RFX4: variants seen among roughly 807,000 people sequenced by gnomAD.
RFX4 encodes transcription factor RFX4.
In RFX4, 10 loss-of-function variants were observed where a neutral mutation model predicts 95.0. The observed-to-expected ratio is 0.11, with a 90% CI of 0.06 to 0.18. RFX4 has a LOEUF of 0.18. Ranked by LOEUF, RFX4 falls within the 10% of genes least tolerant of loss-of-function variation. The pLI is 1.00. For missense variants in RFX4, 640 were observed against 922.0 expected (o/e 0.69, Z 3.96); for synonymous variants, 321 against 340.7 (o/e 0.94, Z 0.64).
Position 106,709,330 on chromosome 12 carries a change from C to T in RFX4, c.834C>T (p.Ser278=), listed in dbSNP as rs750961729. 3 of 1,613,072 alleles carry T rather than the reference C, an allele frequency of 1.9e-6. No individual in the cohort carries two copies. In the South Asian group the frequency reaches 3.3e-5, roughly 18 times the overall value. The change falls in exon 9 of 18, where the codon AGC becomes AGT. Residue 278 remains serine (S), a splice_region_variant and synonymous_variant. Coordinates refer to ENST00000392842, the MANE Select transcript of RFX4 (RefSeq NM_213594.3). ...MPTVLQALPD[S]LTQVIRKFAK... is the part of the protein sequence containing the mutation. ...TAAAACTCATCGTTTCTTTTTCTAG[C>T]TTAACTCAGGTGATTCGAAAGTTTG...
intron 4 of RFX4, among the ~76,000 whole-genome samples, chr12:106,679,183 T>C (rs1002435730): frequency 6.6e-6 from 1 of 152,178 alleles, no homozygotes; most frequent in African/African-American, 2.4e-5. Flanking sequence ...ACTGGCCAAG[T>C]GCAGTGGCTC....
At chr12:106,704,247 C>A (rs1330679713) in intron 8 of RFX4, among the ~76,000 whole-genome samples, 1 of 152,104 alleles carries the variant, frequency 6.6e-6, no homozygotes, top group Non-Finnish European at 1.5e-5. Flanking sequence ...TGGAATACAG[C>A]ATTACATAAG....
At chr12:106,660,504 C>A (rs1169241071) in intron 4 of RFX4, among the ~76,000 whole-genome samples, 1 of 151,986 alleles carries the variant, frequency 6.6e-6, no homozygotes, top group Non-Finnish European at 1.5e-5. Flanking sequence ...AAAACTCTAC[C>A]CACACAAAGA....
At chr12:106,654,156 CTAGA>C (rs1233623306) in intron 3 of RFX4, 68 bp from the exon 4 acceptor site, 1 of 1,596,516 alleles carries the variant, frequency 6.3e-7, no homozygotes, top group Non-Finnish European at 8.6e-7. Context: ...CTCTGGAGGA[CTAGA>C]AAGAACAGAC....
At chr12:106,622,453 C>T (rs954722429) in intron 2 of RFX4, among the ~76,000 whole-genome samples, 1 of 151,908 alleles carries the variant, frequency 6.6e-6, no homozygotes, top group Admixed American at 6.6e-5. Flanking sequence ...ATATAGCTAT[C>T]ATTTATTGAG....
intron 17 of RFX4, 100 bp from the exon 18 acceptor site, chr12:106,761,097 A>T: frequency 8.0e-7 from 1 of 1,251,564 alleles, no homozygotes; most frequent in Non-Finnish European, 1.1e-6. Flanking sequence ...CATTAATAGC[A>T]TCTTAAGAAA....
chr12:106,722,611 G>T (rs1235446301), intron 13 of RFX4, among the ~76,000 whole-genome samples: 1 of 152,184 alleles, frequency 6.6e-6, no homozygotes, highest in East Asian at 1.9e-4. Context: ...GGCAAAAAAA[G>T]ATGATCACAA....
intron 17 of RFX4, among the ~76,000 whole-genome samples, chr12:106,757,547 CAAAA>C (rs559762867): frequency 1.8e-5 from 1 of 56,576 alleles, no homozygotes; most frequent in Non-Finnish European, 3.7e-5. Context: ...GACCCTGTCT[CAAAA>C]AAAAAAAAAA....
chr12:106,761,098 T>A, intron 17 of RFX4, 99 bp from the exon 18 acceptor site: 1 of 1,270,870 alleles, frequency 7.9e-7, no homozygotes, highest in South Asian at 1.4e-5. Flanking sequence ...ATTAATAGCA[T>A]CTTAAGAAAT....
At chr12:106,625,475 AT>A (rs2040278000) in intron 2 of RFX4, among the ~76,000 whole-genome samples, 1 of 152,150 alleles carries the variant, frequency 6.6e-6, no homozygotes, top group Non-Finnish European at 1.5e-5. Flanking sequence ...AAACAATTGC[AT>A]TTTTCCCCTA....
intron 7 of RFX4, among the ~76,000 whole-genome samples, chr12:106,694,394 A>G (rs1278235672): frequency 6.6e-6 from 1 of 152,232 alleles, no homozygotes; most frequent in East Asian, 1.9e-4. Context: ...AGCCAGAGGC[A>G]GCCTTTTCAG....
intron 8 of RFX4, among the ~76,000 whole-genome samples, chr12:106,699,007 G>C (rs2041937070): frequency 6.6e-6 from 1 of 151,768 alleles, no homozygotes; most frequent in Non-Finnish European, 1.5e-5. Flanking sequence ...TTAGGTCATT[G>C]ATTATAAATC....
chr12:106,744,080 A>G (rs2042852372), intron 15 of RFX4, among the ~76,000 whole-genome samples: 1 of 152,254 alleles, frequency 6.6e-6, no homozygotes, highest in Admixed American at 6.5e-5. Flanking sequence ...AATAAACATG[A>G]CATTTTAAAA....
intron 9 of RFX4, among the ~76,000 whole-genome samples, chr12:106,710,045 C>G (rs906441732): frequency 6.6e-6 from 1 of 152,140 alleles, no homozygotes; most frequent in East Asian, 1.9e-4. Flanking sequence ...CACCCATTCC[C>G]CAGCATTAGT....
At chr12:106,662,999 C>A (rs1465374480) in intron 4 of RFX4, among the ~76,000 whole-genome samples, 3 of 152,048 alleles carry the variant, frequency 2.0e-5, no homozygotes, top group Non-Finnish European at 4.4e-5. Flanking sequence ...TGGAATCAAT[C>A]CACCAATTTT....
intron 17 of RFX4, among the ~76,000 whole-genome samples, chr12:106,753,044 A>AC (rs1258240785): frequency 6.6e-6 from 1 of 150,794 alleles, no homozygotes; most frequent in Non-Finnish European, 1.5e-5. Context: ...TCTCTGGTCC[A>AC]CCCCCTACAC....
At chr12:106,629,403 G>A (rs550950443) in intron 2 of RFX4, among the ~76,000 whole-genome samples, 4 of 152,308 alleles carry the variant, frequency 2.6e-5, no homozygotes, top group East Asian at 3.9e-4. Context: ...TAAAGGGTAC[G>A]TGGGATTTCA....
rs181427049 is a variant in RFX4, at chr12:106,740,877, T to C, written c.1634-6560T>C. On this transcript the variant is annotated intron_variant, in intron 15 of 17. Transcript: ENST00000392842. ...GAAGTTTTACAAGGAGCCAGCTACA[T>C]AGAGGTTGCGGAGGGAAAAAGAACT... Among the ~76,000 whole-genome samples, 4 of 152,260 alleles carry C rather than the reference T, an allele frequency of 2.6e-5. No individual in the cohort carries two copies. In the East Asian group the frequency reaches 7.7e-4, roughly 29 times the overall value.
Position 106,761,498 on chromosome 12 carries a change from TTAATAATAATAATTAA to T in RFX4, c.*42_*57del, listed in dbSNP as rs2043207796. 7.4e-7 allele frequency: 1 copy of T among 1,343,290 alleles called. No individual in the cohort carries two copies. Among genetic ancestry groups the T allele is most frequent in the African/African-American group, 1.5e-5 (1 of 65,506 alleles). The allele number at this position is 1,343,290 out of a possible 1,614,324, so 83.2% of individuals were successfully genotyped here. A position where few individuals can be genotyped will look rare whatever the true frequency, so the allele number is the denominator to read the frequency against. ...CTATCATAGGCATCCATATTTAATA[TTAATAATAATAATTAA>T]TAATAATAATAAACCCAACACCCAT... On this transcript the variant is annotated 3_prime_UTR_variant, in exon 18 of 18. Coordinates refer to ENST00000392842, the MANE Select transcript of RFX4 (RefSeq NM_213594.3).
Sources: gnomAD v4.1 joint callset for allele counts (sites outside exome capture counted in the v4.1 genomes callset) on GRCh38, gnomAD v4.1.1 for gene constraint, MANE v1.5 for transcripts, NCBI Gene and HGNC (gene_info 2026-07-23, HGNC 2026-07-21) for gene names.